Variants in CLMP observed in about 807,000 individuals in gnomAD.
CLMP encodes the protein CXADR-like membrane protein.
CLMP carries 27 observed loss-of-function variants against 45.2 expected under a neutral mutation model. The observed-to-expected ratio is 0.60, with a 90% CI of 0.44 to 0.82. CLMP has a LOEUF of 0.82. Among genes scored for constraint, CLMP ranks in the 40% least tolerant of loss-of-function variants. CLMP has a pLI of 0.00. For missense variants in CLMP, 403 were observed against 448.4 expected (o/e 0.90, Z 0.91); for synonymous variants, 167 against 171.4 (o/e 0.97, Z 0.20).
intron 1 of CLMP, among the ~76,000 whole-genome samples, chr11:123,129,622 A>C (rs1404555796): frequency 7.3e-6 from 1 of 137,398 alleles, no homozygotes; most frequent in East Asian, 2.0e-4. Flanking sequence ...ATATTTATAT[A>C]ATATAATATA....
chr11:123,176,639 G>A (rs1861704021), intron 1 of CLMP, among the ~76,000 whole-genome samples: 1 of 152,160 alleles, frequency 6.6e-6, no homozygotes, highest in Non-Finnish European at 1.5e-5. Flanking sequence ...GCTGTTGGAG[G>A]TGGGAGCTAT....
rs546729322 is a variant in CLMP at position 123,191,876 on chromosome 11, ATGGGGTGTTAGATAAGCATT to A, written c.28+3017_28+3036del. ...CTGCCTTCATGGAGCTTCCATTCTA[ATGGGGTGTTAGATAAGCATT>A]TGGAACACCATAATACAAAGTAGCA... On this transcript the variant is annotated intron_variant, in intron 1 of 6. Coordinates refer to ENST00000448775, the MANE Select transcript of CLMP (RefSeq NM_024769.5). Among the ~76,000 whole-genome samples, 11 of 152,356 alleles carry A rather than the reference ATGGGGTGTTAGATAAGCATT, an allele frequency of 7.2e-5. No homozygotes were observed. The East Asian group carries it at 1.9e-3, about 27-fold the overall frequency.
At chr11:123,158,540 C>G (rs1486756909) in intron 1 of CLMP, among the ~76,000 whole-genome samples, 1 of 152,148 alleles carries the variant, frequency 6.6e-6, no homozygotes, top group Non-Finnish European at 1.5e-5. Context: ...ACTGTCTCCC[C>G]CTTTAAAAGG....
intron 1 of CLMP, among the ~76,000 whole-genome samples, chr11:123,173,982 C>T (rs58327061): frequency 6.6e-6 from 1 of 152,074 alleles, no homozygotes; most frequent in African/African-American, 2.4e-5. Context: ...ACTTGGGAGG[C>T]TGAGGTGGGA....
chr11:123,110,856 A>G (rs898183573), intron 1 of CLMP, among the ~76,000 whole-genome samples: 3 of 152,214 alleles, frequency 2.0e-5, no homozygotes, highest in African/African-American at 7.2e-5. Flanking sequence ...CTGTCTGATA[A>G]GAGAAAGAGC....
chr11:123,136,929 G>A (rs1025236771), intron 1 of CLMP, among the ~76,000 whole-genome samples: 12 of 151,824 alleles, frequency 7.9e-5, no homozygotes, highest in African/African-American at 2.9e-4. Flanking sequence ...TTACTTATGG[G>A]GCTGGCTAAT....
At chr11:123,112,699 C>T (rs1048954542) in intron 1 of CLMP, among the ~76,000 whole-genome samples, 8 of 151,498 alleles carry the variant, frequency 5.3e-5, no homozygotes, top group African/African-American at 1.7e-4. Context: ...TATTTACATT[C>T]TCTTATTGTC....
At chr11:123,108,943 C>T (rs1860598560) in intron 1 of CLMP, among the ~76,000 whole-genome samples, 1 of 151,494 alleles carries the variant, frequency 6.6e-6, no homozygotes. Context: ...CCTATAATCC[C>T]AGCTACTTGG....
chr11:123,138,112 T>C (rs1861104210), intron 1 of CLMP, among the ~76,000 whole-genome samples: 1 of 152,070 alleles, frequency 6.6e-6, no homozygotes, highest in South Asian at 2.1e-4. Flanking sequence ...CTGTCCCTAA[T>C]TCCCTCGGAT....
intron 5 of CLMP, among the ~76,000 whole-genome samples, chr11:123,076,725 T>C (rs183585602): frequency 1.3e-5 from 2 of 152,206 alleles, no homozygotes; most frequent in East Asian, 3.9e-4. Flanking sequence ...CCAGCCCACA[T>C]AGGCCATGGC....
At chr11:123,083,256 A>G (rs770477652) in intron 4 of CLMP, 49 bp from the exon 5 acceptor site, 81 of 1,561,920 alleles carry the variant, frequency 5.2e-5, no homozygotes, top group Non-Finnish European at 6.7e-5. Context: ...GATGGTATCT[A>G]TATTTATTGT....
At chr11:123,086,344 G>A (rs1464804477) in intron 2 of CLMP, among the ~76,000 whole-genome samples, 1 of 152,180 alleles carries the variant, frequency 6.6e-6, no homozygotes, top group Admixed American at 6.5e-5. Flanking sequence ...TGGCATTTGA[G>A]CTAGGCTTTG....
chr11:123,156,231 T>C (rs1861412951), intron 1 of CLMP, among the ~76,000 whole-genome samples: 1 of 152,208 alleles, frequency 6.6e-6, no homozygotes, highest in Non-Finnish European at 1.5e-5. Flanking sequence ...GCCAGGAAGA[T>C]AGACCTCACC....
At chr11:123,078,613 A>C (rs1288175949) in intron 5 of CLMP, among the ~76,000 whole-genome samples, 1 of 150,382 alleles carries the variant, frequency 6.6e-6, no homozygotes, top group African/African-American at 2.4e-5. Flanking sequence ...TGCCCAGCTA[A>C]GTTTTGTTTT....
At chr11:123,152,328 C>T (rs1309486388) in intron 1 of CLMP, among the ~76,000 whole-genome samples, 1 of 151,992 alleles carries the variant, frequency 6.6e-6, no homozygotes, top group Non-Finnish European at 1.5e-5. Flanking sequence ...CCAACACCAT[C>T]CTGGCCAACA....
chr11:123,115,849 C>T (rs777260475), intron 1 of CLMP, among the ~76,000 whole-genome samples: 4 of 152,232 alleles, frequency 2.6e-5, no homozygotes, highest in East Asian at 1.9e-4. Flanking sequence ...AAACAATAAA[C>T]GTGTTATCTC....
chr11:123,139,565 G>A (rs1421550145), intron 1 of CLMP, among the ~76,000 whole-genome samples: 4 of 152,134 alleles, frequency 2.6e-5, no homozygotes, highest in Non-Finnish European at 4.4e-5. Flanking sequence ...TGTGGCTCAC[G>A]CCTGTAATGC....
At chr11:123,191,136 T>C (rs1044046742) in intron 1 of CLMP, among the ~76,000 whole-genome samples, 2 of 152,246 alleles carry the variant, frequency 1.3e-5, no homozygotes, top group Admixed American at 6.5e-5. Context: ...ACAAAGGGTC[T>C]GGGACTCAAA....
chr11:123,155,838 G>A (rs1295883433), intron 1 of CLMP, among the ~76,000 whole-genome samples: 1 of 152,094 alleles, frequency 6.6e-6, no homozygotes, highest in Non-Finnish European at 1.5e-5. Flanking sequence ...CTTCTCCTTT[G>A]CTATCTTGAA....
Sources: allele counts gnomAD v4.1 joint callset (sites outside exome capture counted in the v4.1 genomes callset), GRCh38; gene constraint gnomAD v4.1.1; transcripts MANE v1.5; gene names NCBI Gene and HGNC (gene_info 2026-07-23, HGNC 2026-07-21).